Variants in CDK14 observed in about 807,000 individuals in gnomAD.
The protein encoded by CDK14 is cyclin-dependent kinase 14.
CDK14 carries 34 observed loss-of-function variants against 60.7 expected under a neutral mutation model. The observed-to-expected ratio is 0.56, with a 90% CI of 0.43 to 0.75. CDK14 has a LOEUF of 0.75. CDK14 is among the 30% of genes least tolerant of loss of function. CDK14 has a pLI of 0.00. For synonymous variants in CDK14, 197 were observed against 203.7 expected, an observed-to-expected ratio of 0.97 and a Z score of 0.28; for missense variants, 482 against 564.1, an observed-to-expected ratio of 0.85 and a Z score of 1.47.
chr7:91,176,739 C>A (rs1562982982), intron 14 of CDK14, among the ~76,000 whole-genome samples: 2 of 151,394 alleles, frequency 1.3e-5, no homozygotes, highest in African/African-American at 4.8e-5. Flanking sequence ...GACACATACA[C>A]TCTCCCAAGA....
chr7:90,808,333 T>G (rs1788944479), intron 5 of CDK14, among the ~76,000 whole-genome samples: 1 of 152,096 alleles, frequency 6.6e-6, no homozygotes, highest in Non-Finnish European at 1.5e-5. Context: ...AGAAAAGAAT[T>G]TTCAACCCAG....
rs1176910930 is a variant in CDK14 at position 91,174,156 on chromosome 7, C to G, written c.*29-33009C>G. ...TCAAGTGGGTCCCTGACCCCTGACCCCTGAGCAGCCTAACTGGGAGGCACC... is the reference window on the plus strand; with the variant it reads ...TCAAGTGGGTCCCTGACCCCTGACCGCTGAGCAGCCTAACTGGGAGGCACC... On this transcript the variant is annotated intron_variant, in intron 14 of 14. Transcript: ENST00000380050. 2.0e-5 allele frequency among the ~76,000 whole-genome samples: 3 copies of G among 151,926 alleles called. No homozygotes were observed. The East Asian group carries it at 5.8e-4, about 29-fold the overall frequency.
intron 10 of CDK14, among the ~76,000 whole-genome samples, chr7:91,028,278 A>G (rs568161153): frequency 3.3e-4 from 50 of 151,958 alleles, no homozygotes; most frequent in African/African-American, 1.2e-3. Flanking sequence ...ACACACAAAC[A>G]CACATACACA....
intron 10 of CDK14, among the ~76,000 whole-genome samples, chr7:91,018,320 C>T (rs1796352610): frequency 6.6e-6 from 1 of 152,126 alleles, no homozygotes; most frequent in Admixed American, 6.5e-5. Context: ...GTCTTAGTCT[C>T]TTTGAGTTGC....
At chr7:91,009,295 G>A (rs909026876) in intron 10 of CDK14, among the ~76,000 whole-genome samples, 1 of 152,078 alleles carries the variant, frequency 6.6e-6, no homozygotes, top group Non-Finnish European at 1.5e-5. Context: ...TTAGTTTCCA[G>A]TTTTGTTGTA....
chr7:90,831,026 G>A (rs561593228), intron 5 of CDK14, among the ~76,000 whole-genome samples: 2 of 152,172 alleles, frequency 1.3e-5, no homozygotes, highest in Non-Finnish European at 2.9e-5. Context: ...TAGCTTTCAC[G>A]CAACTTTCTG....
At chr7:90,945,274 C>A (rs1226083427) in intron 8 of CDK14, among the ~76,000 whole-genome samples, 2 of 152,184 alleles carry the variant, frequency 1.3e-5, no homozygotes, top group African/African-American at 4.8e-5. Context: ...TATGATTAAG[C>A]ATTTTTCATG....
intron 2 of CDK14, among the ~76,000 whole-genome samples, chr7:90,704,931 G>A (rs1280550335): frequency 6.6e-6 from 1 of 151,750 alleles, no homozygotes; most frequent in South Asian, 2.1e-4. Context: ...AAAAAGGTTG[G>A]GGTTTAGGCT....
At chr7:90,940,705 G>C (rs1793899105) in intron 8 of CDK14, among the ~76,000 whole-genome samples, 1 of 152,126 alleles carries the variant, frequency 6.6e-6, no homozygotes, top group African/African-American at 2.4e-5. Flanking sequence ...AAGGTCGCTT[G>C]AGCCCGGGAG....
chr7:90,682,798 C>T (rs1801348135), intron 2 of CDK14, among the ~76,000 whole-genome samples: 1 of 152,144 alleles, frequency 6.6e-6, no homozygotes, highest in African/African-American at 2.4e-5. Flanking sequence ...TATGAATTGA[C>T]ATTTTAAAAT....
chr7:91,147,735 C>T (rs1800701660), intron 14 of CDK14, among the ~76,000 whole-genome samples: 2 of 151,932 alleles, frequency 1.3e-5, no homozygotes, highest in South Asian at 2.1e-4. Context: ...AAACTCTTTC[C>T]CCCCTCCCCC....
At chr7:90,624,070 C>T (rs1210255191) in intron 2 of CDK14, among the ~76,000 whole-genome samples, 3 of 152,054 alleles carry the variant, frequency 2.0e-5, no homozygotes, top group African/African-American at 4.8e-5. Flanking sequence ...ACAAAACAGC[C>T]CTGTGAAGGA....
intron 2 of CDK14, chr7:90,726,316 CT>C: frequency 1.0e-6 from 1 of 983,622 alleles, no homozygotes; most frequent in South Asian, 4.7e-5. Flanking sequence ...TACTAGCAGC[CT>C]GGGCCTTAAG....
intron 2 of CDK14, among the ~76,000 whole-genome samples, chr7:90,714,705 C>G (rs966788166): frequency 2.0e-5 from 3 of 151,904 alleles, no homozygotes; most frequent in African/African-American, 7.3e-5. Context: ...GAGTGATGCC[C>G]TATATTTTCC....
chr7:90,932,235 T>C (rs1389141536), intron 8 of CDK14, among the ~76,000 whole-genome samples: 1 of 152,194 alleles, frequency 6.6e-6, no homozygotes, highest in East Asian at 1.9e-4. Flanking sequence ...CTGGGAGCAG[T>C]GGCTCATGCC....
At chr7:91,014,786 C>T (rs1300759470) in intron 10 of CDK14, among the ~76,000 whole-genome samples, 1 of 152,122 alleles carries the variant, frequency 6.6e-6, no homozygotes, top group Non-Finnish European at 1.5e-5. Context: ...TGGTGCACGC[C>T]CCAGCATGGG....
chr7:90,625,492 A>C (rs1563020148), intron 2 of CDK14, among the ~76,000 whole-genome samples: 2 of 152,242 alleles, frequency 1.3e-5, no homozygotes, highest in Non-Finnish European at 2.9e-5. Flanking sequence ...CATTTATTTT[A>C]ATATTTGCAT....
At chr7:91,139,987 C>A (rs958735861) in intron 14 of CDK14, among the ~76,000 whole-genome samples, 1 of 152,032 alleles carries the variant, frequency 6.6e-6, no homozygotes, top group Non-Finnish European at 1.5e-5. Context: ...CAGGACAACA[C>A]TGAATCAGAT....
Position 91,209,760 on chromosome 7 carries a change from G to A in CDK14, c.*2624G>A, listed in dbSNP as rs777334236. 6 of 152,450 alleles carry A rather than the reference G, an allele frequency of 3.9e-5. No individual in the cohort carries two copies. Among genetic ancestry groups the A allele is most frequent in the Non-Finnish European group, 8.8e-5 (6 of 68,016 alleles). 9.4% of individuals were successfully genotyped at this position (152,450 alleles called of 1,614,324 possible). A position where few individuals can be genotyped will look rare whatever the true frequency, so the allele number is the denominator to read the frequency against. ...CAGTTTTGTTGACTTAAAAATATGA[G>A]ATACATAGGATGTGAAAAAAAATGT... On this transcript the variant is annotated 3_prime_UTR_variant, in exon 15 of 15. Coordinates refer to ENST00000380050, the MANE Select transcript of CDK14 (RefSeq NM_001287135.2).
Sources: allele counts gnomAD v4.1 joint callset (sites outside exome capture counted in the v4.1 genomes callset), GRCh38; gene constraint gnomAD v4.1.1; transcripts MANE v1.5; gene names NCBI Gene and HGNC (gene_info 2026-07-23, HGNC 2026-07-21).